CADPS2: variants seen among roughly 807,000 people sequenced by gnomAD.
The protein encoded by CADPS2 is calcium dependent secretion activator 2.
In CADPS2, 93 loss-of-function variants were observed where a neutral mutation model predicts 172.5. The ratio of observed to expected loss-of-function variants is 0.54; its 90% confidence interval spans 0.46 to 0.64. The LOEUF (loss-of-function observed/expected upper bound fraction) is 0.64. Among genes scored for constraint, CADPS2 ranks in the 30% least tolerant of loss-of-function variants. The probability of loss-of-function intolerance (pLI) is 0.00; values close to 1 mark genes in which losing one functional copy is unlikely to be tolerated. For synonymous variants in CADPS2, 546 were observed against 555.2 expected (o/e 0.98, Z 0.23); for missense variants, 1,420 against 1,565.9 (o/e 0.91, Z 1.57).
intron 1 of CADPS2, among the ~76,000 whole-genome samples, chr7:122,804,420 C>T (rs939129756): frequency 2.0e-5 from 3 of 152,122 alleles, no homozygotes; most frequent in Admixed American, 6.5e-5. Flanking sequence ...AATTAAACAT[C>T]TGCTCTCTAA....
chr7:122,612,134 C>T (rs1362241820), intron 6 of CADPS2, among the ~76,000 whole-genome samples: 1 of 151,954 alleles, frequency 6.6e-6, no homozygotes, highest in Non-Finnish European at 1.5e-5. Context: ...ATGCTTCCCC[C>T]CTGTGATCAG....
chr7:122,641,051 C>A (rs2077587654), intron 3 of CADPS2, among the ~76,000 whole-genome samples: 1 of 151,716 alleles, frequency 6.6e-6, no homozygotes, highest in Admixed American at 6.6e-5. Flanking sequence ...AGAGGTAAGG[C>A]TTCACTCTAC....
At chr7:122,704,199 G>A (rs1354040842) in intron 2 of CADPS2, among the ~76,000 whole-genome samples, 1 of 152,000 alleles carries the variant, frequency 6.6e-6, no homozygotes, top group East Asian at 1.9e-4. Flanking sequence ...GTATTCCCTG[G>A]CCTATTTTAG....
intron 7 of CADPS2, among the ~76,000 whole-genome samples, chr7:122,566,633 C>T (rs1263878120): frequency 1.3e-5 from 2 of 152,096 alleles, no homozygotes; most frequent in African/African-American, 4.8e-5. Flanking sequence ...TAGTAATACA[C>T]TTGAGAATGT....
intron 1 of CADPS2, among the ~76,000 whole-genome samples, chr7:122,759,712 T>C (rs2093309986): frequency 6.6e-6 from 1 of 152,156 alleles, no homozygotes; most frequent in Admixed American, 6.6e-5. Flanking sequence ...AATCCAAAAT[T>C]TCTTCTTGCC....
chr7:122,430,296 G>A (rs950387759), intron 17 of CADPS2, among the ~76,000 whole-genome samples: 4 of 152,172 alleles, frequency 2.6e-5, no homozygotes, highest in African/African-American at 9.7e-5. Flanking sequence ...GTCCAGGCAA[G>A]TCCTAAGGCG....
At chr7:122,607,481 GA>G (rs1254776083) in intron 6 of CADPS2, among the ~76,000 whole-genome samples, 5 of 152,010 alleles carry the variant, frequency 3.3e-5, no homozygotes, top group Non-Finnish European at 2.9e-5. Context: ...AGACTTTTCC[GA>G]AAAAACTGTC....
chr7:122,772,929 T>C (rs144906894), intron 1 of CADPS2, among the ~76,000 whole-genome samples: 2 of 152,168 alleles, frequency 1.3e-5, no homozygotes, highest in African/African-American at 4.8e-5. Flanking sequence ...CAATTTTAAA[T>C]AGACAAAATT....
chr7:122,323,213 T>C (rs978904918), intron 29 of CADPS2, among the ~76,000 whole-genome samples: 5 of 152,190 alleles, frequency 3.3e-5, no homozygotes, highest in East Asian at 1.9e-4. Flanking sequence ...AATTATTAAA[T>C]AGAGCCCTAT....
chr7:122,816,529 C>CTCCT (rs1275510738), intron 1 of CADPS2, among the ~76,000 whole-genome samples: 1 of 152,162 alleles, frequency 6.6e-6, no homozygotes, highest in African/African-American at 2.4e-5. Flanking sequence ...ATATTATGAT[C>CTCCT]TCCTTTCTTT....
At chr7:122,752,335 C>G (rs896987388) in intron 1 of CADPS2, among the ~76,000 whole-genome samples, 5 of 152,030 alleles carry the variant, frequency 3.3e-5, no homozygotes, top group Admixed American at 2.6e-4. Context: ...AACAGATAAA[C>G]AAAACATTCT....
chr7:122,822,023 C>T (rs921264012), intron 1 of CADPS2, among the ~76,000 whole-genome samples: 13 of 151,998 alleles, frequency 8.6e-5, no homozygotes, highest in South Asian at 2.1e-4. Context: ...TCCTATTCAC[C>T]GTTCTCAACT....
In CADPS2 at chr7:122,416,054, TC is replaced by T; in HGVS notation, c.2580+6del. 1 of 1,492,700 alleles carries T rather than the reference TC, an allele frequency of 6.7e-7. No homozygotes were observed. The highest frequency in any genetic ancestry group is 9.1e-7 in the Non-Finnish European group (1 of 1,102,222). 92.5% of individuals were successfully genotyped at this position (1,492,700 alleles called of 1,614,324 possible). A position where few individuals can be genotyped will look rare whatever the true frequency, so the allele number is the denominator to read the frequency against. On this transcript the variant is annotated splice_donor_region_variant and intron_variant, in intron 18 of 29. Coordinates refer to ENST00000449022, the MANE Select transcript of CADPS2 (RefSeq NM_017954.11). ...AGCTTTATACTACAGTGAAAACAGGTCATCACCTCTGCATGATGCTCTTCAT... is the reference window on the plus strand; with the variant it reads ...AGCTTTATACTACAGTGAAAACAGGTATCACCTCTGCATGATGCTCTTCAT...
chr7:122,365,255 C>T (rs1012890848), intron 25 of CADPS2, among the ~76,000 whole-genome samples: 2 of 152,176 alleles, frequency 1.3e-5, no homozygotes. Context: ...AGCTTCCTCC[C>T]TATCCCTAAA....
chr7:122,527,617 A>AGAGAGAGAGAGAGTGTGTGTGTGTGTGT, intron 8 of CADPS2, among the ~76,000 whole-genome samples: 3 of 83,806 alleles, frequency 3.6e-5, no homozygotes, highest in Non-Finnish European at 7.8e-5. Flanking sequence ...AGAGAGAGAG[A>AGAGAGAGAGAGAGTGTGTGTGTGTGTGT]GTGTGTGTGT....
At chr7:122,677,181 A>G (rs895555805) in intron 2 of CADPS2, among the ~76,000 whole-genome samples, 5 of 152,200 alleles carry the variant, frequency 3.3e-5, no homozygotes, top group Non-Finnish European at 5.9e-5. Context: ...ATACAAACCA[A>G]TATGCCTGTG....
At chr7:122,536,982 G>T in intron 8 of CADPS2, among the ~76,000 whole-genome samples, 1 of 151,912 alleles carries the variant, frequency 6.6e-6, no homozygotes. Context: ...AGAACACATG[G>T]GCACATAGAG....
intron 5 of CADPS2, among the ~76,000 whole-genome samples, chr7:122,620,823 C>T (rs1053411165): frequency 1.3e-5 from 2 of 152,192 alleles, no homozygotes; most frequent in South Asian, 2.1e-4. Context: ...GAAAGGAATT[C>T]CCAAATTACA....
chr7:122,631,503 T>G (rs763015796), intron 3 of CADPS2, among the ~76,000 whole-genome samples: 19 of 152,106 alleles, frequency 1.2e-4, no homozygotes, highest in Non-Finnish European at 2.2e-4. Context: ...TGTCTTGAAC[T>G]CCTGGGCTCA....
Sources: allele counts gnomAD v4.1 joint callset (sites outside exome capture counted in the v4.1 genomes callset), GRCh38; gene constraint gnomAD v4.1.1; transcripts MANE v1.5; gene names NCBI Gene and HGNC (gene_info 2026-07-23, HGNC 2026-07-21).